Variants in SLCO3A1 observed in about 807,000 individuals in gnomAD.
The protein encoded by SLCO3A1 is PGE1 transporter.
Under a neutral mutation model 63.1 loss-of-function variants are expected in SLCO3A1, and 27 were observed. The ratio of observed to expected loss-of-function variants is 0.43; its 90% CI spans 0.32 to 0.59. SLCO3A1 has a LOEUF of 0.59. Among genes scored for constraint, SLCO3A1 ranks in the 20% least tolerant of loss-of-function variants. SLCO3A1 has a pLI of 0.09. For missense variants in SLCO3A1, 773 were observed against 945.8 expected (o/e 0.82, Z 2.40); for synonymous variants, 473 against 409.9 (o/e 1.15, Z -1.86).
chr15:92,063,185 A>G (rs2047107728), intron 2 of SLCO3A1, among the ~76,000 whole-genome samples: 1 of 152,224 alleles, frequency 6.6e-6, no homozygotes, highest in Non-Finnish European at 1.5e-5. Context: ...TTTTGAGAAC[A>G]TGGTCATGTT....
chr15:91,889,150 C>T, intron 1 of SLCO3A1: 1 of 1,283,292 alleles, frequency 7.8e-7, no homozygotes, highest in South Asian at 1.3e-5. Flanking sequence ...TGCATAAACT[C>T]TTATTGTTCC....
At chr15:92,171,585 A>T in intron 10 of SLCO3A1, 1 of 541,432 alleles carries the variant, frequency 1.8e-6, no homozygotes, top group East Asian at 3.0e-5. Context: ...GGCCTTCAAA[A>T]AAGTCTCTGG....
In SLCO3A1 at chr15:91,863,720, C is replaced by T. The variant is rs867098900; in HGVS notation, c.180+9632C>T. Among the ~76,000 whole-genome samples, 1 of 152,084 alleles carries T rather than the reference C, an allele frequency of 6.6e-6. No individual in the cohort carries two copies. Among genetic ancestry groups the T allele is most frequent in the East Asian group, 1.9e-4 (1 of 5,170 alleles). On this transcript the variant is annotated intron_variant, in intron 1 of 9. Coordinates refer to ENST00000318445, the MANE Select transcript of SLCO3A1 (RefSeq NM_013272.4). The surrounding 1 kb of genome is among the most constrained non-coding windows in gnomAD (Gnocchi z 4.3). ...AGAAGAAACTTAAAGGGAGCCAGGC[C>T]CATGAAATAGATGTAGAAGAGCTTC...
At chr15:91,864,087 G>A (rs191785108) in intron 1 of SLCO3A1, among the ~76,000 whole-genome samples, 3 of 152,306 alleles carry the variant, frequency 2.0e-5, no homozygotes, top group South Asian at 2.1e-4. Flanking sequence ...AGAGTGGCAC[G>A]TGGAGCCAGC....
At chr15:91,930,895 A>G (rs1011043448) in intron 2 of SLCO3A1, among the ~76,000 whole-genome samples, 2 of 152,210 alleles carry the variant, frequency 1.3e-5, no homozygotes, top group Admixed American at 6.5e-5. Context: ...ATTGGAGTCA[A>G]GGGGGTTCTT....
At chr15:92,052,382 A>G (rs930628234) in intron 2 of SLCO3A1, among the ~76,000 whole-genome samples, 1 of 152,118 alleles carries the variant, frequency 6.6e-6, no homozygotes, top group African/African-American at 2.4e-5. Context: ...GATCATATGA[A>G]TGTTCATTAT....
intron 2 of SLCO3A1, among the ~76,000 whole-genome samples, chr15:92,037,997 C>T (rs775065255): frequency 1.3e-5 from 2 of 152,156 alleles, no homozygotes; most frequent in Non-Finnish European, 2.9e-5. Context: ...AGTAGTGAGA[C>T]CTAAATGCCT....
At chr15:91,937,362 C>T (rs968587405) in intron 2 of SLCO3A1, among the ~76,000 whole-genome samples, 3 of 152,082 alleles carry the variant, frequency 2.0e-5, no homozygotes, top group Non-Finnish European at 4.4e-5. Context: ...CTGTTCTGCC[C>T]GCAAAGCATG....
At position 91,916,431 on chromosome 15, in the gene SLCO3A1, C is replaced by A; in HGVS notation, c.619C>A (p.Arg207=). Residue 207 remains arginine, a synonymous_variant, in exon 2 of 10, where the codon CGG becomes AGG. Coordinates refer to ENST00000318445, the MANE Select transcript of SLCO3A1 (RefSeq NM_013272.4). This position sits in a 1 kb window ranked among gnomAD's most constrained non-coding sequence, Gnocchi z 6.2. ...CGTCTCCTACATCGACGACCACGTG[C>A]GGAGGAAGGACTCCTCGCTCTATAT... is the stretch of plus-strand genomic sequence containing the variant. ...LGVSYIDDHV[R]RKDSSLYIGI... 6.2e-7 allele frequency: 1 copy of A among 1,611,766 alleles called. No homozygotes were observed. Among genetic ancestry groups the A allele is most frequent in the Non-Finnish European group, 8.5e-7 (1 of 1,179,258 alleles).
rs77162360 is a variant in SLCO3A1, at chr15:92,101,700, T to C, written c.746-2579T>C. On this transcript the variant is annotated intron_variant, in intron 3 of 9. Coordinates refer to ENST00000318445, the MANE Select transcript of SLCO3A1 (RefSeq NM_013272.4). ...CTCTCTGCCACAGTGCTCCGGATAATTGAAATGGAGAAAAAAATCAATACT... is the reference window on the plus strand; with the variant it reads ...CTCTCTGCCACAGTGCTCCGGATAACTGAAATGGAGAAAAAAATCAATACT... Among the ~76,000 whole-genome samples the C allele has an allele frequency of 3.3e-3, 497 of 152,220 alleles. 1 individual carries two copies. The highest frequency in any genetic ancestry group is 5.2e-3 in the Non-Finnish European group (357 of 68,022).
At chr15:91,923,397 G>T (rs1264143842) in intron 2 of SLCO3A1, among the ~76,000 whole-genome samples, 1 of 152,168 alleles carries the variant, frequency 6.6e-6, no homozygotes. Context: ...AACCTCTTCA[G>T]TCCTGAATTA....
At chr15:91,958,331 C>G (rs1048096051) in intron 2 of SLCO3A1, among the ~76,000 whole-genome samples, 21 of 152,102 alleles carry the variant, frequency 1.4e-4, no homozygotes, top group Admixed American at 3.3e-4. Flanking sequence ...ATCAACCGTA[C>G]TTCATTTTGT....
chr15:91,987,825 T>C (rs1366655603), intron 2 of SLCO3A1, among the ~76,000 whole-genome samples: 2 of 151,530 alleles, frequency 1.3e-5, no homozygotes, highest in Non-Finnish European at 2.9e-5. Flanking sequence ...CTCAAAGAGC[T>C]CAGAAGAAAA....
intron 2 of SLCO3A1, among the ~76,000 whole-genome samples, chr15:92,059,624 A>G (rs1446314717): frequency 6.6e-6 from 1 of 152,064 alleles, no homozygotes; most frequent in Non-Finnish European, 1.5e-5. Flanking sequence ...TGCTCATTCC[A>G]CAGTAAGCCT....
intron 1 of SLCO3A1, among the ~76,000 whole-genome samples, chr15:91,871,772 T>TG (rs1897287329): frequency 1.4e-5 from 2 of 147,348 alleles, no homozygotes; most frequent in Non-Finnish European, 3.0e-5. Context: ...TTGGTTTTTT[T>TG]TTTTTTTTTT....
At chr15:92,170,004 T>G (rs2048512951), downstream of SLCO3A1, among the ~76,000 whole-genome samples, 1 of 152,208 alleles carries the variant, frequency 6.6e-6, no homozygotes, top group Non-Finnish European at 1.5e-5. Flanking sequence ...TCCCGTAAGA[T>G]ACAATTGATT....
chr15:91,887,207 A>G (rs1410041703), intron 1 of SLCO3A1, among the ~76,000 whole-genome samples: 2 of 152,132 alleles, frequency 1.3e-5, no homozygotes, highest in Non-Finnish European at 2.9e-5. Flanking sequence ...ATTTTGCTTT[A>G]TTCTTCAATG....
intron 2 of SLCO3A1, among the ~76,000 whole-genome samples, chr15:91,969,047 T>G (rs957363439): frequency 6.6e-6 from 1 of 152,214 alleles, no homozygotes; most frequent in Non-Finnish European, 1.5e-5. Context: ...CATTTTTTGG[T>G]GTGATTGTAT....
chr15:92,013,831 C>A (rs1247099895), intron 2 of SLCO3A1, among the ~76,000 whole-genome samples: 2 of 152,146 alleles, frequency 1.3e-5, no homozygotes, highest in African/African-American at 2.4e-5. Context: ...AGTGACTGGA[C>A]AAGATGCTGA....
Sources: gnomAD v4.1 joint callset for allele counts (sites outside exome capture counted in the v4.1 genomes callset) on GRCh38, gnomAD v4.1.1 for gene constraint, Gnocchi (gnomAD v3.1) non-coding constraint, MANE v1.5 for transcripts, NCBI Gene and HGNC (gene_info 2026-07-23, HGNC 2026-07-21) for gene names.